The following JAML variants were observed in gnomAD, a reference collection of about 807,000 sequenced individuals.
JAML encodes the protein junctional adhesion molecule-like.
JAML carries 25 observed loss-of-function variants against 39.3 expected under a neutral mutation model. The ratio of observed to expected loss-of-function variants is 0.64; its 90% confidence interval spans 0.46 to 0.89. The LOEUF is 0.89. Ranked by LOEUF, JAML falls within the 40% of genes least tolerant of loss-of-function variation. The pLI is 0.00. For synonymous variants in JAML, 162 were observed against 179.2 expected (o/e 0.90, Z 0.77); for missense variants, 440 against 486.9 (o/e 0.90, Z 0.91).
chr11:118,208,070 A>G (rs1240478265), intron 4 of JAML, among the ~76,000 whole-genome samples: 2 of 150,226 alleles, frequency 1.3e-5, no homozygotes, highest in Non-Finnish European at 3.0e-5. Flanking sequence ...ATCTCTACTT[A>G]AACAAACAAA....
chr11:118,196,701 C>T (rs1591456062), intron 9 of JAML, 34 bp downstream of exon 9: 2 of 1,568,446 alleles, frequency 1.3e-6, no homozygotes, highest in East Asian at 4.5e-5. Context: ...GAGCCTCTGA[C>T]ACCTGGCTCA....
chr11:118,218,780 G>A lies in JAML; in HGVS notation c.-20-3894C>T, dbSNP rs147471947. The stretch of plus-strand genomic sequence containing the variant: ...GAATAACAAAATTCTGGTTGCATAT[G>A]TAGATGAATAAAATGAATTTCAGTT... On this transcript the variant is annotated intron_variant, in intron 1 of 9. Coordinates refer to ENST00000356289, the MANE Select transcript of JAML (RefSeq NM_001098526.2). 8.1e-4 allele frequency among the ~76,000 whole-genome samples: 123 copies of A among 151,882 alleles called. 1 individual carries two copies. The South Asian group carries it at 0.013, about 16-fold the overall frequency.
At chr11:118,202,785 C>T in intron 6 of JAML, 8 of 377,164 alleles carry the variant, frequency 2.1e-5, no homozygotes, top group South Asian at 1.6e-4. Flanking sequence ...TCCTGAAGGC[C>T]CTAGCGACAG....
chr11:118,213,206 TG>T (rs1405617732), intron 2 of JAML: 2 of 1,333,016 alleles, frequency 1.5e-6, no homozygotes, highest in East Asian at 5.8e-5. Context: ...ATTATCTCTA[TG>T]TTGCTCAAGC....
intron 1 of JAML, among the ~76,000 whole-genome samples, chr11:118,216,461 A>C (rs1228950325): frequency 6.6e-6 from 1 of 152,152 alleles, no homozygotes; most frequent in Non-Finnish European, 1.5e-5. Context: ...GAGTCAAGCT[A>C]TTCAAGGAGG....
intron 4 of JAML, among the ~76,000 whole-genome samples, chr11:118,207,430 C>T (rs931763043): frequency 2.6e-5 from 4 of 152,082 alleles, no homozygotes; most frequent in African/African-American, 9.7e-5. Context: ...AAAGGAAAGC[C>T]CGAGTTTTCT....
chr11:118,221,987 A>T (rs1347308579), intron 1 of JAML, among the ~76,000 whole-genome samples: 1 of 152,230 alleles, frequency 6.6e-6, no homozygotes, highest in Non-Finnish European at 1.5e-5. Flanking sequence ...AAAAGCCAGA[A>T]ATATTGGCCA....
Position 118,194,309 on chromosome 11 carries a change from G to A in JAML, c.*16C>T, listed in dbSNP as rs1468111567. 1.9e-6 allele frequency: 3 copies of A among 1,604,560 alleles called. No homozygotes were observed. Among genetic ancestry groups the A allele is most frequent in the Non-Finnish European group, 1.7e-6 (2 of 1,171,624 alleles). ...AGTCTCCACCGCTGCTGAGATGAAGGGACTCTCCATTCTTCTCAAAAGGCT... is the reference window on the plus strand; with the variant it reads ...AGTCTCCACCGCTGCTGAGATGAAGAGACTCTCCATTCTTCTCAAAAGGCT... On this transcript the variant is annotated 3_prime_UTR_variant, in exon 10 of 10. Coordinates refer to ENST00000356289, the MANE Select transcript of JAML (RefSeq NM_001098526.2).
intron 1 of JAML, among the ~76,000 whole-genome samples, 193 bp downstream of exon 1, chr11:118,224,748 T>A (rs73594577): frequency 6.6e-6 from 1 of 152,112 alleles, no homozygotes; most frequent in Non-Finnish European, 1.5e-5. Flanking sequence ...TCACCTAAGT[T>A]ACTCTACACG....
rs1452129392 is a variant in JAML at position 118,210,693 on chromosome 11, T to C, written c.218A>G (p.Tyr73Cys). The change falls in exon 4 of 10, where the codon TAT (tyrosine) becomes TGT (cysteine). Residue 73 changes from tyrosine to cysteine, a missense_variant. Coordinates refer to ENST00000356289, the MANE Select transcript of JAML (RefSeq NM_001098526.2). ...AATAGGCACACTGAGATTGGAGTAA[T>C]AGTATAGCACATATTCGTCCTGAAG... ...EHAKDEYVLYYYSNLSVPIGR... is the reference protein window; with the variant it reads ...EHAKDEYVLYCYSNLSVPIGR... The C allele has an allele frequency of 6.2e-7, 1 of 1,614,094 alleles. No homozygotes were observed. The highest frequency in any genetic ancestry group is 8.5e-7 in the Non-Finnish European group (1 of 1,179,988).
At chr11:118,198,813 T>G (rs1948715911) in intron 7 of JAML, among the ~76,000 whole-genome samples, 1 of 152,220 alleles carries the variant, frequency 6.6e-6, no homozygotes, top group African/African-American at 2.4e-5. Flanking sequence ...AATACAGAAA[T>G]GTAGACAGTT....
At chr11:118,212,980 C>A in intron 2 of JAML, 1 of 1,613,258 alleles carries the variant, frequency 6.2e-7, no homozygotes, top group Non-Finnish European at 8.5e-7. Context: ...TGAAAAGGGA[C>A]CTTTTGTTTA....
intron 8 of JAML, chr11:118,197,089 G>A (rs912333882): frequency 5.5e-6 from 2 of 362,228 alleles, no homozygotes; most frequent in Non-Finnish European, 1.0e-5. Flanking sequence ...TAGCAGCAGG[G>A]GTTCCTTATC....
chr11:118,194,848 A>G (rs1168469206), intron 9 of JAML, among the ~76,000 whole-genome samples: 3 of 152,358 alleles, frequency 2.0e-5, no homozygotes, highest in South Asian at 4.1e-4. Flanking sequence ...TGCAGTCTCA[A>G]ACAAGTGGCC....
chr11:118,203,781 A>C (rs1948863768), intron 5 of JAML, 116 bp from the exon 6 acceptor site: 9 of 822,990 alleles, frequency 1.1e-5, no homozygotes, highest in Non-Finnish European at 1.9e-5. Context: ...GAAGGCAGTA[A>C]GGGTATTATC....
At chr11:118,211,586 C>A (rs1021858885) in intron 3 of JAML, among the ~76,000 whole-genome samples, 2 of 151,998 alleles carry the variant, frequency 1.3e-5, no homozygotes, top group African/African-American at 2.4e-5. Flanking sequence ...GTTTATCCCT[C>A]GTATAAAAAT....
Position 118,212,501 on chromosome 11 carries a change from C to G in JAML, c.104G>C (p.Gly35Ala), listed in dbSNP as rs755024063. ...VSPPELTVHV[G>A]DSALMGCVFQ... ...AACACATCCCATCAGAGCTGAATCA[C>G]CCACATGGACTGTTAGCTCAGGCGG... is the stretch of plus-strand genomic sequence containing the variant. The change falls in exon 3 of 10, where the codon GGT (glycine) becomes GCT (alanine). Residue 35 changes from glycine to alanine, a missense_variant. Physicochemically the swap from Gly to Ala is moderately conservative, Grantham distance 60 (BLOSUM62 0). Transcript: ENST00000356289. 1 of 1,614,062 alleles carries G rather than the reference C, an allele frequency of 6.2e-7. No individual in the cohort carries two copies. The highest frequency in any genetic ancestry group is 1.3e-5 in the African/African-American group (1 of 74,924).
intron 3 of JAML, 139 bp downstream of exon 3, chr11:118,212,268 G>A: frequency 9.7e-7 from 1 of 1,030,714 alleles, no homozygotes. Flanking sequence ...GCTAGGACGA[G>A]GCCCAGTTCT....
intron 8 of JAML, chr11:118,197,385 T>A (rs1793161): frequency 0.78 from 119,110 of 152,268 alleles, 47,048 homozygotes; most frequent in African/African-American, 0.9. Flanking sequence ...AGAGTTTTTT[T>A]AAAATTAAAG....
Sources: allele counts gnomAD v4.1 joint callset (sites outside exome capture counted in the v4.1 genomes callset), GRCh38; gene constraint gnomAD v4.1.1; transcripts MANE v1.5; gene names NCBI Gene and HGNC (gene_info 2026-07-23, HGNC 2026-07-21).